PCDH9: variants seen among roughly 807,000 people sequenced by gnomAD.
The protein encoded by PCDH9 is protocadherin-9.
In PCDH9, 24 loss-of-function variants were observed where a neutral mutation model predicts 70.6. The observed-to-expected ratio is 0.34, with a 90% CI of 0.25 to 0.48. PCDH9 has a LOEUF of 0.48. Ranked by LOEUF, PCDH9 falls within the 20% of genes least tolerant of loss-of-function variation. The pLI is 0.99. For missense variants in PCDH9, 1,281 were observed against 1,503.6 expected (o/e 0.85, Z 2.45); for synonymous variants, 562 against 558.5 (o/e 1.01, Z -0.09).
At chr13:66,866,377 G>C (rs963851896) in intron 3 of PCDH9, among the ~76,000 whole-genome samples, 1 of 152,116 alleles carries the variant, frequency 6.6e-6, no homozygotes, top group African/African-American at 2.4e-5. Context: ...AGCTACTCGG[G>C]AGGCTGAGGA....
At chr13:67,011,158 C>T (rs1566361258) in intron 2 of PCDH9, among the ~76,000 whole-genome samples, 2 of 151,812 alleles carry the variant, frequency 1.3e-5, no homozygotes, top group Admixed American at 1.3e-4. Flanking sequence ...TTTACATCAA[C>T]TCTATGATAA....
chr13:66,878,671 A>G (rs2081865949), intron 3 of PCDH9, among the ~76,000 whole-genome samples: 1 of 152,206 alleles, frequency 6.6e-6, no homozygotes, highest in South Asian at 2.1e-4. Flanking sequence ...TGAAAGTGGA[A>G]TGTGAAATAG....
intron 2 of PCDH9, among the ~76,000 whole-genome samples, chr13:67,081,306 C>T (rs933449959): frequency 6.6e-6 from 1 of 152,170 alleles, no homozygotes; most frequent in Non-Finnish European, 1.5e-5. Context: ...CAGTGGCTCA[C>T]ACCTGTAATC....
intron 3 of PCDH9, among the ~76,000 whole-genome samples, chr13:66,689,860 G>C (rs574273385): frequency 2.1e-4 from 32 of 152,176 alleles, no homozygotes; most frequent in African/African-American, 5.5e-4. Flanking sequence ...AGAAAAAGCA[G>C]GGCACAGACT....
At chr13:66,526,496 A>G (rs1960221487) in intron 4 of PCDH9, among the ~76,000 whole-genome samples, 2 of 132,628 alleles carry the variant, frequency 1.5e-5, no homozygotes, top group Admixed American at 8.2e-5. Context: ...TTACTTATAC[A>G]ATGCTTTGAA....
chr13:66,612,149 CTG>C, intron 4 of PCDH9, among the ~76,000 whole-genome samples: 1 of 152,182 alleles, frequency 6.6e-6, no homozygotes, highest in Non-Finnish European at 1.5e-5. Flanking sequence ...AATCCTGAAT[CTG>C]TGTGTTAGAT....
At chr13:66,477,626 G>C (rs1472780966) in intron 4 of PCDH9, among the ~76,000 whole-genome samples, 2 of 152,066 alleles carry the variant, frequency 1.3e-5, no homozygotes, top group African/African-American at 4.8e-5. Flanking sequence ...ACCTAACTCT[G>C]AGAGTGTTTG....
chr13:66,982,246 A>G (rs919883811), intron 2 of PCDH9, among the ~76,000 whole-genome samples: 5 of 152,184 alleles, frequency 3.3e-5, no homozygotes, highest in Non-Finnish European at 7.4e-5. Flanking sequence ...ATGCTTGTAC[A>G]GCCTGCAGTG....
At chr13:66,811,481 T>C (rs982325058) in intron 3 of PCDH9, among the ~76,000 whole-genome samples, 5 of 152,198 alleles carry the variant, frequency 3.3e-5, no homozygotes, top group Non-Finnish European at 5.9e-5. Context: ...ATTTTTCCTA[T>C]GCTTAAAATG....
intron 3 of PCDH9, among the ~76,000 whole-genome samples, chr13:66,784,598 A>T (rs1199017184): frequency 1.3e-5 from 2 of 152,112 alleles, no homozygotes; most frequent in Admixed American, 1.3e-4. Flanking sequence ...TTCCTTACTG[A>T]CAGAGTGTTT....
intron 2 of PCDH9, among the ~76,000 whole-genome samples, chr13:66,989,000 TACTC>T (rs947728430): frequency 1.4e-4 from 22 of 152,056 alleles, no homozygotes; most frequent in East Asian, 5.8e-4. Flanking sequence ...ATGTTATAGA[TACTC>T]ACATGCAGCA....
chr13:66,951,744 T>G (rs955229563), intron 2 of PCDH9, among the ~76,000 whole-genome samples: 2 of 152,180 alleles, frequency 1.3e-5, no homozygotes, highest in Admixed American at 1.3e-4. Flanking sequence ...TACTGAATTT[T>G]TTAGAGCATT....
At chr13:66,464,052 GT>G (rs1958472257) in intron 4 of PCDH9, among the ~76,000 whole-genome samples, 1 of 151,836 alleles carries the variant, frequency 6.6e-6, no homozygotes, top group South Asian at 2.1e-4. Context: ...GACCACCAAA[GT>G]GATCAATGGC....
At chr13:67,038,194 A>C (rs1470252806) in intron 2 of PCDH9, among the ~76,000 whole-genome samples, 4 of 152,200 alleles carry the variant, frequency 2.6e-5, no homozygotes, top group Non-Finnish European at 5.9e-5. Flanking sequence ...CAGAAATCAC[A>C]AATGCTTTAA....
intron 2 of PCDH9, among the ~76,000 whole-genome samples, chr13:67,022,865 A>C (rs534557650): frequency 6.6e-6 from 1 of 152,316 alleles, no homozygotes; most frequent in Non-Finnish European, 1.5e-5. Context: ...AGGCTTCAGG[A>C]ATGGGGTGCA....
At chr13:66,791,738 G>A (rs1398280573) in intron 3 of PCDH9, among the ~76,000 whole-genome samples, 2 of 151,888 alleles carry the variant, frequency 1.3e-5, no homozygotes, top group East Asian at 1.9e-4. Flanking sequence ...GGAAAAAATC[G>A]CAATTACTTT....
At chr13:66,324,716 A>G (rs1955812262) in intron 4 of PCDH9, among the ~76,000 whole-genome samples, 1 of 152,034 alleles carries the variant, frequency 6.6e-6, no homozygotes, top group Non-Finnish European at 1.5e-5. Flanking sequence ...TGTAAAAGAA[A>G]GTTTAGTTTC....
At chr13:66,437,404 C>CAAAAAA (rs66796123) in intron 4 of PCDH9, among the ~76,000 whole-genome samples, 11,527 of 45,340 alleles carry the variant, frequency 0.25, 2,890 homozygotes, top group Non-Finnish European at 0.34. Context: ...GACTCTGTCT[C>CAAAAAA]AAAAAAAAAA....
At chr13:66,324,917 T>C (rs751259529) in intron 4 of PCDH9, among the ~76,000 whole-genome samples, 29 of 151,942 alleles carry the variant, frequency 1.9e-4, no homozygotes, top group Non-Finnish European at 3.2e-4. Flanking sequence ...ACTGGACACA[T>C]ATGCAAACTT....
Sources: gnomAD v4.1 joint callset for allele counts (sites outside exome capture counted in the v4.1 genomes callset) on GRCh38, gnomAD v4.1.1 for gene constraint, MANE v1.5 for transcripts, NCBI Gene and HGNC (gene_info 2026-07-23, HGNC 2026-07-21) for gene names.